PABPC4L: variants seen among roughly 807,000 people sequenced by gnomAD.
PABPC4L encodes the protein polyadenylate-binding protein 4-like.
For synonymous variants in PABPC4L, 169 were observed against 164.1 expected (o/e 1.03, Z -0.23); for missense variants, 452 against 451.4 (o/e 1.00, Z -0.01).
At chr4:134,167,953 T>A in the PABPC4L span, among the ~76,000 whole-genome samples, 1 of 152,044 alleles carries the variant, frequency 6.6e-6, no homozygotes, top group Non-Finnish European at 1.5e-5. Context: ...AATAGACACT[T>A]ATAGAACATT....
At chr4:133,954,889 G>C in the PABPC4L span, among the ~76,000 whole-genome samples, 9 of 152,154 alleles carry the variant, frequency 5.9e-5, no homozygotes, top group South Asian at 1.9e-3. Context: ...GAGAAAGATG[G>C]AGAATTTGAA....
chr4:133,972,797 A>C, the PABPC4L span, among the ~76,000 whole-genome samples: 1 of 152,178 alleles, frequency 6.6e-6, no homozygotes, highest in African/African-American at 2.4e-5. Context: ...CGACATAATA[A>C]ATATGCACTG....
At chr4:134,083,102 A>C in the PABPC4L span, among the ~76,000 whole-genome samples, 1 of 152,110 alleles carries the variant, frequency 6.6e-6, no homozygotes, top group East Asian at 1.9e-4. Flanking sequence ...TCATTCATTC[A>C]TTCAGCAGAT....
chr4:134,016,386 C>G, the PABPC4L span, among the ~76,000 whole-genome samples: 1 of 152,282 alleles, frequency 6.6e-6, no homozygotes, highest in South Asian at 2.1e-4. Context: ...AATAAAAATG[C>G]TTCTCAAAGC....
the PABPC4L span, among the ~76,000 whole-genome samples, chr4:134,029,631 T>C: frequency 1.3e-5 from 2 of 151,900 alleles, no homozygotes; most frequent in African/African-American, 2.4e-5. Flanking sequence ...TTTTCAGTTA[T>C]TTCATCTTAG....
At chr4:134,024,315 C>T in the PABPC4L span, among the ~76,000 whole-genome samples, 6 of 152,190 alleles carry the variant, frequency 3.9e-5, no homozygotes, top group East Asian at 3.9e-4. Context: ...TCTACTTGGG[C>T]GCCATAACAA....
the PABPC4L span, among the ~76,000 whole-genome samples, chr4:133,962,607 T>C: frequency 6.6e-6 from 1 of 152,174 alleles, no homozygotes; most frequent in Non-Finnish European, 1.5e-5. Context: ...GGAAAACCTA[T>C]GAGATTAACA....
chr4:133,956,999 C>T, the PABPC4L span, among the ~76,000 whole-genome samples: 1 of 152,086 alleles, frequency 6.6e-6, no homozygotes, highest in Admixed American at 6.6e-5. Flanking sequence ...TGGGTGGGGA[C>T]ACAATCAAAC....
the PABPC4L span, among the ~76,000 whole-genome samples, chr4:134,143,602 C>A: frequency 6.6e-6 from 1 of 150,810 alleles, no homozygotes; most frequent in African/African-American, 2.4e-5. Context: ...CTGTAGATTT[C>A]TGCTGAAGTT....
the PABPC4L span, among the ~76,000 whole-genome samples, chr4:134,018,696 A>C: frequency 6.6e-6 from 1 of 152,108 alleles, no homozygotes; most frequent in African/African-American, 2.4e-5. Context: ...CGTTCATTGA[A>C]ATTTCATTTT....
At chr4:134,091,976 G>T in the PABPC4L span, among the ~76,000 whole-genome samples, 187 of 152,036 alleles carry the variant, frequency 1.2e-3, no homozygotes, top group African/African-American at 4.3e-3. Flanking sequence ...ACTGTTTTTA[G>T]GAGCTTTAAT....
At chr4:133,985,291 A>T in the PABPC4L span, among the ~76,000 whole-genome samples, 1 of 151,966 alleles carries the variant, frequency 6.6e-6, no homozygotes, top group Non-Finnish European at 1.5e-5. Flanking sequence ...AAAACACCTA[A>T]GTCACAGGGT....
the PABPC4L span, among the ~76,000 whole-genome samples, chr4:134,135,151 A>G: frequency 6.6e-6 from 1 of 152,118 alleles, no homozygotes; most frequent in Non-Finnish European, 1.5e-5. Flanking sequence ...AAGAAGAAAT[A>G]CATTCCCTTG....
At chr4:134,061,825 G>C in the PABPC4L span, among the ~76,000 whole-genome samples, 2 of 144,576 alleles carry the variant, frequency 1.4e-5, no homozygotes, top group African/African-American at 5.1e-5. Flanking sequence ...AGACACATAA[G>C]AGAAAAAAAG....
At chr4:133,955,593 G>A in the PABPC4L span, among the ~76,000 whole-genome samples, 1 of 151,952 alleles carries the variant, frequency 6.6e-6, no homozygotes, top group African/African-American at 2.4e-5. Context: ...TTGAAATTAA[G>A]TCCCAGTTTC....
At chr4:134,134,515 TTAAA>T in the PABPC4L span, among the ~76,000 whole-genome samples, 3 of 149,814 alleles carry the variant, frequency 2.0e-5, no homozygotes, top group East Asian at 5.8e-4. Flanking sequence ...AAATACACTC[TTAAA>T]TAAAATCTTA....
At chr4:134,113,105 T>C in the PABPC4L span, among the ~76,000 whole-genome samples, 1 of 152,036 alleles carries the variant, frequency 6.6e-6, no homozygotes, top group Non-Finnish European at 1.5e-5. Context: ...TTCATACATC[T>C]GTACAGTCTG....
the PABPC4L span, among the ~76,000 whole-genome samples, chr4:133,958,889 AG>A: frequency 6.6e-6 from 1 of 152,212 alleles, no homozygotes; most frequent in Non-Finnish European, 1.5e-5. Flanking sequence ...CATATCAGAT[AG>A]CAATGCAGAG....
chr4:134,186,907 G>T, the PABPC4L span, among the ~76,000 whole-genome samples: 1 of 152,104 alleles, frequency 6.6e-6, no homozygotes, highest in Admixed American at 6.6e-5. Context: ...CTCCTCAAAA[G>T]AAGACATTTA....
Sources: allele counts gnomAD v4.1 joint callset (sites outside exome capture counted in the v4.1 genomes callset), GRCh38; gene constraint gnomAD v4.1.1; transcripts MANE v1.5; gene names NCBI Gene and HGNC (gene_info 2026-07-23, HGNC 2026-07-21).